Variants in SCHIP1 observed in about 807,000 individuals in gnomAD.
The protein encoded by SCHIP1 is schwannomin-interacting protein 1.
Under a neutral mutation model 29.7 loss-of-function variants are expected in SCHIP1, and 8 were observed. The observed-to-expected ratio is 0.27, with a 90% CI of 0.16 to 0.49. The LOEUF is 0.49. SCHIP1 is among the 20% of genes least tolerant of loss of function. The pLI is 0.99. For missense variants in SCHIP1, 193 were observed against 294.6 expected, an observed-to-expected ratio of 0.66 and a Z score of 2.52; for synonymous variants, 76 against 94.9, an observed-to-expected ratio of 0.80 and a Z score of 1.16.
the SCHIP1 span, among the ~76,000 whole-genome samples, chr3:159,734,347 G>T: frequency 6.6e-6 from 1 of 151,200 alleles, no homozygotes; most frequent in African/African-American, 2.4e-5. Context: ...TTTACCATGT[G>T]GTCAGGCTGG....
At chr3:159,790,784 G>A in the SCHIP1 span, among the ~76,000 whole-genome samples, 14 of 152,148 alleles carry the variant, frequency 9.2e-5, no homozygotes, top group African/African-American at 3.4e-4. Flanking sequence ...AATTTTTCAT[G>A]TCCACTTAGA....
At chr3:159,562,584 G>A in the SCHIP1 span, among the ~76,000 whole-genome samples, 1 of 152,176 alleles carries the variant, frequency 6.6e-6, no homozygotes, top group Non-Finnish European at 1.5e-5. Context: ...ACCTTTAAGT[G>A]TCCAGATTTT....
chr3:159,872,222 A>G (rs934931934), intron 2 of SCHIP1, among the ~76,000 whole-genome samples: 1 of 152,146 alleles, frequency 6.6e-6, no homozygotes, highest in African/African-American at 2.4e-5. Context: ...CTTGTGCTTA[A>G]TATGCCATGG....
In SCHIP1 at chr3:159,864,223, A is replaced by T. The variant is rs376346632; in HGVS notation, c.31-1940A>T. On this transcript the variant is annotated intron_variant, in intron 1 of 6. Coordinates refer to ENST00000445224, the Ensembl canonical transcript of SCHIP1. ...GATGTGATTCTGTTTTGGCTGGACCATCCCAAGTGCCAGCCTTGCATATTC... is the reference window on the plus strand; with the variant it reads ...GATGTGATTCTGTTTTGGCTGGACCTTCCCAAGTGCCAGCCTTGCATATTC... 9.2e-5 allele frequency among the ~76,000 whole-genome samples: 14 copies of T among 152,284 alleles called. No individual in the cohort carries two copies. In the East Asian group the frequency reaches 1.7e-3, roughly 19 times the overall value.
chr3:159,839,851 A>G, upstream of SCHIP1: 1 of 1,350,976 alleles, frequency 7.4e-7, no homozygotes, highest in Non-Finnish European at 9.5e-7. Flanking sequence ...CACCAGCTCC[A>G]GACTGATCCT....
the SCHIP1 span, among the ~76,000 whole-genome samples, chr3:159,326,940 T>C: frequency 6.6e-6 from 1 of 152,204 alleles, no homozygotes; most frequent in Non-Finnish European, 1.5e-5. Context: ...ATTGTGGAGA[T>C]CTTGGGTGAC....
chr3:159,446,733 T>C, the SCHIP1 span, among the ~76,000 whole-genome samples: 2 of 152,160 alleles, frequency 1.3e-5, no homozygotes, highest in Non-Finnish European at 2.9e-5. Context: ...CTCTCAATAC[T>C]GTCAACTGGG....
At chr3:159,438,943 A>G in the SCHIP1 span, among the ~76,000 whole-genome samples, 7 of 152,208 alleles carry the variant, frequency 4.6e-5, no homozygotes, top group Admixed American at 1.3e-4. Context: ...TAGTGCTGCA[A>G]TGAACACATG....
chr3:159,320,155 A>G, the SCHIP1 span, among the ~76,000 whole-genome samples: 2 of 152,372 alleles, frequency 1.3e-5, no homozygotes, highest in Admixed American at 6.5e-5. Flanking sequence ...AATTATGGTT[A>G]CATAACTAAT....
chr3:159,817,588 A>G, the SCHIP1 span, among the ~76,000 whole-genome samples: 11 of 152,318 alleles, frequency 7.2e-5, no homozygotes, highest in East Asian at 2.1e-3. Flanking sequence ...TACTAAAAAA[A>G]AAGAATACTT....
the SCHIP1 span, among the ~76,000 whole-genome samples, chr3:159,510,485 G>T: frequency 1.3e-5 from 2 of 152,176 alleles, no homozygotes; most frequent in Non-Finnish European, 2.9e-5. Context: ...GTCATTCTTT[G>T]TCCAGCTTTG....
At chr3:159,640,516 A>C in the SCHIP1 span, among the ~76,000 whole-genome samples, 1 of 152,178 alleles carries the variant, frequency 6.6e-6, no homozygotes, top group Non-Finnish European at 1.5e-5. Flanking sequence ...TGGCCAGATT[A>C]GATTCAGTAT....
the SCHIP1 span, among the ~76,000 whole-genome samples, chr3:159,662,683 A>G: frequency 1.3e-5 from 2 of 152,158 alleles, no homozygotes; most frequent in Non-Finnish European, 2.9e-5. Flanking sequence ...TATAATCAAA[A>G]TTCCTAGTTT....
At chr3:159,867,907 A>T (rs773589803) in intron 2 of SCHIP1, among the ~76,000 whole-genome samples, 2 of 151,258 alleles carry the variant, frequency 1.3e-5, no homozygotes, top group Non-Finnish European at 2.9e-5. Flanking sequence ...TTAGAAGCCC[A>T]ATCTCTCTGT....
chr3:159,291,714 T>G, the SCHIP1 span, among the ~76,000 whole-genome samples: 1 of 152,070 alleles, frequency 6.6e-6, no homozygotes, highest in Non-Finnish European at 1.5e-5. Context: ...CCTGTAAAAA[T>G]AATAAAATCC....
the SCHIP1 span, among the ~76,000 whole-genome samples, chr3:159,397,675 C>T: frequency 3.0e-3 from 458 of 152,290 alleles, no homozygotes; most frequent in African/African-American, 0.01. Flanking sequence ...GCAGTCTGCC[C>T]GTTCTCAGAT....
At chr3:159,450,595 C>T in the SCHIP1 span, among the ~76,000 whole-genome samples, 1 of 152,026 alleles carries the variant, frequency 6.6e-6, no homozygotes, top group African/African-American at 2.4e-5. Context: ...TTCTTTCAGC[C>T]CTGCCCCCAA....
chr3:159,367,359 G>T, the SCHIP1 span, among the ~76,000 whole-genome samples: 4 of 150,644 alleles, frequency 2.7e-5, no homozygotes, highest in African/African-American at 9.8e-5. Context: ...GCCATTCATT[G>T]CACTCTCAGC....
chr3:159,327,532 G>A, the SCHIP1 span, among the ~76,000 whole-genome samples: 1 of 152,212 alleles, frequency 6.6e-6, no homozygotes, highest in Non-Finnish European at 1.5e-5. Flanking sequence ...AAGAGTCCTA[G>A]TAATATGTTG....
Sources: allele counts gnomAD v4.1 joint callset (sites outside exome capture counted in the v4.1 genomes callset), GRCh38; gene constraint gnomAD v4.1.1; transcripts MANE v1.5; gene names NCBI Gene and HGNC (gene_info 2026-07-23, HGNC 2026-07-21).